The following OPCML variants were observed in gnomAD, a reference collection of about 807,000 sequenced individuals.
OPCML encodes the protein opioid-binding protein/cell adhesion molecule.
A neutral mutation model predicts 37.8 loss-of-function variants in OPCML; 13 were observed. The observed-to-expected ratio is 0.34, with a 90% confidence interval of 0.22 to 0.55. The LOEUF is 0.55. OPCML is among the 20% of genes least tolerant of loss of function. OPCML has a pLI of 0.91. For synonymous variants in OPCML, 176 were observed against 168.8 expected, an observed-to-expected ratio of 1.04 and a Z score of -0.33; for missense variants, 341 against 435.6, an observed-to-expected ratio of 0.78 and a Z score of 1.93.
At chr11:132,916,922 G>C (rs1944626179) in intron 2 of OPCML, among the ~76,000 whole-genome samples, 1 of 152,156 alleles carries the variant, frequency 6.6e-6, no homozygotes, top group South Asian at 2.1e-4. Context: ...CACTAAGGCA[G>C]CATGAGTCTT....
At chr11:132,545,732 G>T (rs2096367242) in intron 3 of OPCML, among the ~76,000 whole-genome samples, 1 of 152,052 alleles carries the variant, frequency 6.6e-6, no homozygotes, top group Non-Finnish European at 1.5e-5. Flanking sequence ...ATATACTGTT[G>T]TTCTCATATT....
Position 132,837,537 on chromosome 11 carries a change from C to T in OPCML, c.146+105389G>A, listed in dbSNP as rs562712455. On this transcript the variant is annotated intron_variant, in intron 2 of 7. Coordinates refer to ENST00000524381, the MANE Select transcript of OPCML (RefSeq NM_001012393.5). ...GGGGAAAATGATAGGACCTGCTCCT[C>T]GAGGAATGCACTGTCCAAGAGGAGG... 4.6e-5 allele frequency among the ~76,000 whole-genome samples: 7 copies of T among 152,218 alleles called. No homozygotes were observed. The East Asian group carries it at 1.4e-3, about 29-fold the overall frequency.
intron 2 of OPCML, among the ~76,000 whole-genome samples, chr11:132,695,097 C>T (rs1165537590): frequency 6.6e-6 from 1 of 152,166 alleles, no homozygotes; most frequent in Non-Finnish European, 1.5e-5. Flanking sequence ...TGATGCAATG[C>T]TTCCGTGCCC....
At chr11:133,485,299 T>C (rs778042608) in intron 1 of OPCML, among the ~76,000 whole-genome samples, 2 of 152,176 alleles carry the variant, frequency 1.3e-5, no homozygotes, top group Non-Finnish European at 2.9e-5. Flanking sequence ...TCAAAATGTG[T>C]GACATACCTA....
chr11:132,704,191 T>C (rs979358974), intron 2 of OPCML, among the ~76,000 whole-genome samples: 1 of 152,118 alleles, frequency 6.6e-6, no homozygotes, highest in African/African-American at 2.4e-5. Flanking sequence ...ACTAAATTAC[T>C]ATATGCAATT....
intron 1 of OPCML, among the ~76,000 whole-genome samples, chr11:133,003,028 C>T (rs1406097107): frequency 2.6e-5 from 4 of 152,150 alleles, no homozygotes; most frequent in Non-Finnish European, 5.9e-5. Flanking sequence ...AGTCCAATTT[C>T]TTCATTCATC....
intron 1 of OPCML, among the ~76,000 whole-genome samples, chr11:133,196,988 C>G (rs1938561148): frequency 6.6e-6 from 1 of 152,154 alleles, no homozygotes; most frequent in Non-Finnish European, 1.5e-5. Context: ...ACCGCAAAAC[C>G]AAGGAAGCCA....
intron 7 of OPCML, among the ~76,000 whole-genome samples, chr11:132,430,878 G>A (rs978540414): frequency 1.6e-4 from 24 of 152,262 alleles, no homozygotes; most frequent in African/African-American, 5.8e-4. Flanking sequence ...ATCAAGTCCA[G>A]AATCTTCCTT....
intron 1 of OPCML, among the ~76,000 whole-genome samples, chr11:133,179,944 G>C (rs542685278): frequency 5.3e-5 from 8 of 152,272 alleles, no homozygotes; most frequent in African/African-American, 1.7e-4. Context: ...GGTGAAGCTG[G>C]GCGCAGGTGA....
At chr11:132,833,324 G>A (rs555258610) in intron 2 of OPCML, among the ~76,000 whole-genome samples, 7 of 151,992 alleles carry the variant, frequency 4.6e-5, no homozygotes, top group South Asian at 2.1e-4. Context: ...CACATTAGCC[G>A]AGGCCTGCAC....
chr11:133,369,037 TG>T (rs767690750), intron 1 of OPCML, among the ~76,000 whole-genome samples: 11 of 152,254 alleles, frequency 7.2e-5, no homozygotes, highest in Non-Finnish European at 1.0e-4. Context: ...ATAGGCAGAA[TG>T]CCAGGAAATC....
intron 4 of OPCML, among the ~76,000 whole-genome samples, chr11:132,516,087 G>A (rs2508941): frequency 0.19 from 29,237 of 152,116 alleles, 3,671 homozygotes; most frequent in East Asian, 0.61. Context: ...GATTGGACAC[G>A]AATTGAAAAA....
intron 1 of OPCML, chr11:133,301,303 A>G (rs1942770475): frequency 1.3e-5 from 2 of 152,212 alleles, no homozygotes; most frequent in Admixed American, 1.3e-4. Flanking sequence ...AGTACAGAGG[A>G]AAAAGTCTGT....
intron 1 of OPCML, among the ~76,000 whole-genome samples, chr11:133,164,474 T>C (rs1394257618): frequency 6.6e-6 from 1 of 152,206 alleles, no homozygotes; most frequent in Non-Finnish European, 1.5e-5. Context: ...TGGGAAAATG[T>C]CCAAGGCCAT....
chr11:132,629,059 G>A (rs556390704), intron 3 of OPCML, among the ~76,000 whole-genome samples: 70 of 152,104 alleles, frequency 4.6e-4, no homozygotes, highest in South Asian at 2.5e-3. Context: ...AAATTATTCA[G>A]GCCAACCCAT....
chr11:132,928,889 T>C (rs1376165106), intron 2 of OPCML, among the ~76,000 whole-genome samples: 1 of 151,892 alleles, frequency 6.6e-6, no homozygotes, highest in Non-Finnish European at 1.5e-5. Context: ...AAACAATTTT[T>C]ATAACAATCT....
At chr11:132,491,688 T>G (rs2096216164) in intron 4 of OPCML, among the ~76,000 whole-genome samples, 1 of 152,232 alleles carries the variant, frequency 6.6e-6, no homozygotes, top group Non-Finnish European at 1.5e-5. Flanking sequence ...AGCCTTCGCT[T>G]TGAGCGAGGC....
intron 3 of OPCML, among the ~76,000 whole-genome samples, chr11:132,607,331 CTAGAGA>C (rs1938365811): frequency 6.6e-6 from 1 of 152,146 alleles, no homozygotes. Context: ...GGTGGGGTCT[CTAGAGA>C]TAATCTATAA....
chr11:132,660,703 A>G (rs937861889), intron 2 of OPCML, among the ~76,000 whole-genome samples: 5 of 152,160 alleles, frequency 3.3e-5, no homozygotes, highest in Admixed American at 1.3e-4. Flanking sequence ...CTAGTTTGCC[A>G]TGAATCTGTT....
Sources: allele counts gnomAD v4.1 joint callset (sites outside exome capture counted in the v4.1 genomes callset), GRCh38; gene constraint gnomAD v4.1.1; transcripts MANE v1.5; gene names NCBI Gene and HGNC (gene_info 2026-07-23, HGNC 2026-07-21).